Variants in ARHGEF40 observed in about 807,000 individuals in gnomAD.
ARHGEF40 encodes the protein Rho guanine nucleotide exchange factor 40.
A neutral mutation model predicts 165.9 loss-of-function variants in ARHGEF40; 98 were observed. The observed-to-expected ratio is 0.59, with a 90% CI of 0.50 to 0.70. The LOEUF (loss-of-function observed/expected upper bound fraction) is 0.70. ARHGEF40 is among the 30% of genes least tolerant of loss of function. The probability of loss-of-function intolerance (pLI) is 0.00; values close to 1 mark genes in which losing one functional copy is unlikely to be tolerated. For synonymous variants in ARHGEF40, 792 were observed against 814.3 expected, an observed-to-expected ratio of 0.97 and a Z score of 0.47; for missense variants, 1,815 against 1,968.0, an observed-to-expected ratio of 0.92 and a Z score of 1.47.
Position 21,076,899 on chromosome 14 carries a change from C to T in ARHGEF40, c.2034+9C>T, listed in dbSNP as rs762661178. ...GGGTAGAGATACACCAGGTAAGCTT[C>T]CCCTCTACCACCTAGCATGCTGGGA... is the stretch of plus-strand genomic sequence containing the variant. On this transcript the variant is annotated intron_variant, in intron 8 of 23. Coordinates refer to ENST00000298694, the MANE Select transcript of ARHGEF40 (RefSeq NM_018071.5). 6.2e-7 allele frequency: 1 copy of T among 1,602,624 alleles called. No homozygotes were observed. The highest frequency in any genetic ancestry group is 1.1e-5 in the South Asian group (1 of 90,686).
Position 21,073,189 on chromosome 14 carries a change from G to T in ARHGEF40, c.148G>T (p.Asp50Tyr), listed in dbSNP as rs1027833642. The change falls in exon 2 of 24, where the codon GAC (aspartate) becomes TAC (tyrosine). Residue 50 changes from aspartate (D) to tyrosine (Y), a missense_variant. Physicochemically the swap from Asp to Tyr is radical, Grantham distance 160. Coordinates refer to ENST00000298694, the MANE Select transcript of ARHGEF40 (RefSeq NM_018071.5). This position sits in a 1 kb window ranked among gnomAD's most constrained non-coding sequence, Gnocchi z 4.6. ...YREDALRYTL[D>Y]FLVPAKHLLA... ...GGAGGACGCACTGAGGTACACGCTG[G>T]ACTTCCTGGTACCAGCCAAGCACCT... The T allele has an allele frequency of 6.8e-6, 11 of 1,613,824 alleles. No homozygotes were observed. Among genetic ancestry groups the T allele is most frequent in the Non-Finnish European group, 9.3e-6 (11 of 1,179,980 alleles).
intron 15 of ARHGEF40, 65 bp downstream of exon 15, chr14:21,082,543 C>A (rs1238869378): frequency 7.5e-6 from 11 of 1,468,980 alleles, no homozygotes; most frequent in Non-Finnish European, 1.0e-5. Context: ...ATCCATCTGT[C>A]CCTCTTTCTC....
intron 11 of ARHGEF40, 114 bp from the exon 12 acceptor site, chr14:21,080,546 G>A (rs1887810885): frequency 1.7e-6 from 2 of 1,200,764 alleles, no homozygotes; most frequent in Non-Finnish European, 2.3e-6. Context: ...CAGATGAGAT[G>A]CAATAGTTCA....
chr14:21,078,202 G>A lies in ARHGEF40; in HGVS notation c.2060G>A (p.Cys687Tyr). 6.2e-7 allele frequency: 1 copy of A among 1,613,998 alleles called. No homozygotes were observed. Among genetic ancestry groups the A allele is most frequent in the Non-Finnish European group, 8.5e-7 (1 of 1,179,964 alleles). ...GAAGTGGTAAGGCTATGTCGCCTGT[G>A]CCAAGGTGTGCTGGGCTCGGTACGG... ...HQEVVRLCRL[C>Y]QGVLGSVRQA... is the part of the protein sequence containing the mutation. Residue 687 changes from cysteine to tyrosine, a missense_variant, in exon 9 of 24, where the codon TGC becomes TAC. Cys to Tyr is a radical substitution (Grantham distance 194). Transcript: ENST00000298694.
chr14:21,063,939 C>T, the ARHGEF40 span, among the ~76,000 whole-genome samples: 1 of 152,108 alleles, frequency 6.6e-6, no homozygotes, highest in East Asian at 1.9e-4. Context: ...TACATAGAAC[C>T]GAATCTGCTT....
chr14:21,089,068 T>C lies in ARHGEF40; in HGVS notation c.*60T>C. ...CCTCTCAGCACACTTTGGGCTGGGA[T>C]GGCAGTGGGGCATAATGGAGCCCTG... is the stretch of plus-strand genomic sequence containing the variant. On this transcript the variant is annotated 3_prime_UTR_variant, in exon 24 of 24. Transcript: ENST00000298694. 1.8e-6 allele frequency: 1 copy of C among 559,200 alleles called. No individual in the cohort carries two copies. 34.6% of individuals were successfully genotyped at this position (559,200 alleles called of 1,614,324 possible). A position where few individuals can be genotyped will look rare whatever the true frequency, so the allele number is the denominator to read the frequency against.
intron 1 of ARHGEF40, among the ~76,000 whole-genome samples, chr14:21,071,194 C>G (rs1180585330): frequency 1.3e-5 from 2 of 152,174 alleles, no homozygotes; most frequent in African/African-American, 4.8e-5. Flanking sequence ...ACTTGGGGCG[C>G]TGGACGCTGG....
Position 21,077,252 on chromosome 14 carries a change from G to A in ARHGEF40, c.2034+362G>A, listed in dbSNP as rs964433935. On this transcript the variant is annotated intron_variant, in intron 8 of 23. Coordinates refer to ENST00000298694, the MANE Select transcript of ARHGEF40 (RefSeq NM_018071.5). The stretch of plus-strand genomic sequence containing the variant: ...CTTGAGTAGCTGTGGCTACAGGCAT[G>A]TGCCACCACACCCACCTAGTTTTTG... Among the ~76,000 whole-genome samples, 41 of 150,708 alleles carry A rather than the reference G, an allele frequency of 2.7e-4. 1 individual carries two copies. The highest frequency in any genetic ancestry group is 1.0e-3 in the African/African-American group (41 of 40,996).
At chr14:21,078,083 A>G (rs1390802417) in intron 8 of ARHGEF40, 94 bp from the exon 9 acceptor site, 4 of 1,152,480 alleles carry the variant, frequency 3.5e-6, no homozygotes, top group Non-Finnish European at 4.8e-6. Flanking sequence ...CATTGCCTCC[A>G]TAAAAGTCTC....
rs143483980 is a variant in ARHGEF40 at position 21,085,388 on chromosome 14, C to A, written c.3961-301C>A. Reference sequence around the variant, plus strand: ...ATTCTAAGGGTTTCTAGACTTTGTACCCCCTGCACAGAGGGTAAGCATAGA... The same window carrying A: ...ATTCTAAGGGTTTCTAGACTTTGTAACCCCTGCACAGAGGGTAAGCATAGA... On this transcript the variant is annotated intron_variant, in intron 18 of 23. Transcript: ENST00000298694. Among the ~76,000 whole-genome samples the A allele has an allele frequency of 3.3e-3, 497 of 152,294 alleles. 2 individuals carry two copies. Among genetic ancestry groups the A allele is most frequent in the African/African-American group, 0.011 (475 of 41,554 alleles).
In ARHGEF40 at chr14:21,090,032, C is replaced by A. The variant is rs1594589651; in HGVS notation, c.*1024C>A. The A allele has an allele frequency of 7.7e-6, 2 of 258,732 alleles. No individual in the cohort carries two copies. Among genetic ancestry groups the A allele is most frequent in the East Asian group, 2.2e-4 (2 of 9,188 alleles). The allele number at this position is 258,732 out of a possible 1,614,324, so 16.0% of individuals were successfully genotyped here. A position where few individuals can be genotyped will look rare whatever the true frequency, so the allele number is the denominator to read the frequency against. ...AGGTGACTATTTCCTGACAGAAGGA[C>A]CCAAAGAGGGAAGCAGGACATAGGT... On this transcript the variant is annotated 3_prime_UTR_variant, in exon 24 of 24. Coordinates refer to ENST00000298694, the MANE Select transcript of ARHGEF40 (RefSeq NM_018071.5). The surrounding 1 kb of genome is among the most constrained non-coding windows in gnomAD (Gnocchi z 4.4).
At chr14:21,085,016 T>G in intron 18 of ARHGEF40, 93 bp downstream of exon 18, 1 of 1,470,254 alleles carries the variant, frequency 6.8e-7, no homozygotes, top group Non-Finnish European at 9.3e-7. Flanking sequence ...CAACAGAGGT[T>G]CAGAATCTGC....
At chr14:21,066,340 A>G (rs1055195733), upstream of ARHGEF40, among the ~76,000 whole-genome samples, 20 of 146,828 alleles carry the variant, frequency 1.4e-4, no homozygotes, top group African/African-American at 5.0e-4. Flanking sequence ...TTTTTTTTGG[A>G]GACGGAGTCT....
Position 21,081,511 on chromosome 14 carries a change from A to C in ARHGEF40, c.2643A>C (p.Ala881=), listed in dbSNP as rs1887893022. The change falls in exon 14 of 24, where the codon GCA becomes GCC. Residue 881 remains alanine, a splice_region_variant and synonymous_variant. Coordinates refer to ENST00000298694, the MANE Select transcript of ARHGEF40 (RefSeq NM_018071.5). ...ALRLQRFFQQ[A]HEWVDEGFAR... ...CCCCAACCCCTTTGACTTCGTAGGC[A>C]CATGAATGGGTGGATGAGGGCTTTG... The C allele has an allele frequency of 1.2e-6, 2 of 1,612,800 alleles. No homozygotes were observed. The highest frequency in any genetic ancestry group is 8.5e-7 in the Non-Finnish European group (1 of 1,179,900).
intron 1 of ARHGEF40, among the ~76,000 whole-genome samples, chr14:21,071,222 A>G (rs1886810779): frequency 6.6e-6 from 1 of 152,180 alleles, no homozygotes; most frequent in Non-Finnish European, 1.5e-5. Flanking sequence ...GCTAAGGAGA[A>G]GCCCACACCA....
Position 21,081,702 on chromosome 14 carries a change from G to A in ARHGEF40, c.2834G>A (p.Cys945Tyr). The change falls in exon 14 of 24, where the codon TGC becomes TAC. Residue 945 changes from cysteine to tyrosine, a missense_variant. Coordinates refer to ENST00000298694, the MANE Select transcript of ARHGEF40 (RefSeq NM_018071.5). ...LREWGRCQAR[C>Y]QELERRIQQH... ...GAATGGGGCCGCTGCCAGGCCCGCT[G>A]CCAAGAGCTAGAGAGGAGGATCCAG... 1 of 1,581,194 alleles carries A rather than the reference G, an allele frequency of 6.3e-7. No individual in the cohort carries two copies. The highest frequency in any genetic ancestry group is 8.6e-7 in the Non-Finnish European group (1 of 1,163,856).
intron 1 of ARHGEF40, among the ~76,000 whole-genome samples, chr14:21,071,473 G>A (rs899986396): frequency 3.3e-5 from 5 of 152,142 alleles, no homozygotes; most frequent in Admixed American, 2.0e-4. Flanking sequence ...GCACCCTCTG[G>A]CAGGGAGGCT....
chr14:21,086,499 T>G (rs961356129), intron 19 of ARHGEF40: 2 of 153,358 alleles, frequency 1.3e-5, no homozygotes, highest in East Asian at 3.8e-4. Context: ...GTTTTTTGTT[T>G]GTTAGTTTTA....
rs1408002641 is a variant in ARHGEF40 at position 21,070,306 on chromosome 14, A to T, written c.-91A>T. The T allele has an allele frequency of 7.4e-7, 1 of 1,352,094 alleles. No individual in the cohort carries two copies. The highest frequency in any genetic ancestry group is 3.2e-5 in the East Asian group (1 of 30,956). 83.8% of individuals were successfully genotyped at this position (1,352,094 alleles called of 1,614,324 possible). On this transcript the variant is annotated 5_prime_UTR_variant, in exon 1 of 24. Coordinates refer to ENST00000298694, the MANE Select transcript of ARHGEF40 (RefSeq NM_018071.5). This position sits in a 1 kb window ranked among gnomAD's most constrained non-coding sequence, Gnocchi z 4.7. ...GCGGCCGGAGCTGTCCCTTAGCCAG[A>T]CCCGGCGAGACACGAGCGGCGGGAG...
Sources: allele counts gnomAD v4.1 joint callset (sites outside exome capture counted in the v4.1 genomes callset), GRCh38; gene constraint gnomAD v4.1.1; non-coding constraint Gnocchi (gnomAD v3.1); transcripts MANE v1.5; gene names NCBI Gene and HGNC (gene_info 2026-07-23, HGNC 2026-07-21).